Variants in ZNF454 observed in about 807,000 individuals in gnomAD.
The protein encoded by ZNF454 is zinc finger protein 454.
ZNF454 carries 30 observed loss-of-function variants against 48.2 expected under a neutral mutation model. That is an observed-to-expected ratio of 0.62 (90% CI 0.47 to 0.84). ZNF454 has a LOEUF of 0.84. Ranked by LOEUF, ZNF454 falls within the 40% of genes least tolerant of loss-of-function variation. The probability of loss-of-function intolerance (pLI) is 0.00; values close to 1 mark genes in which losing one functional copy is unlikely to be tolerated. For missense variants in ZNF454, 510 were observed against 623.1 expected (o/e 0.82, Z 1.93); for synonymous variants, 204 against 211.4 (o/e 0.97, Z 0.30).
chr5:178,987,606 G>A, the ZNF454 span: 1 of 374,076 alleles, frequency 2.7e-6, no homozygotes, highest in South Asian at 2.0e-5. Flanking sequence ...ACCGAGGGTA[G>A]ACAATTCATA....
rs527527202 is a variant in ZNF454, at chr5:178,964,181, C to T, written c.251-474C>T. On this transcript the variant is annotated intron_variant, in intron 4 of 4. Transcript: ENST00000519564. ...TGTCACCCAGGCTGGAATGCAGTGG[C>T]GCGATCTCGGCTCACTGCAAGCTCC... Among the ~76,000 whole-genome samples, 85 of 151,280 alleles carry T rather than the reference C, an allele frequency of 5.6e-4. 2 individuals are homozygous for T. The South Asian group carries it at 0.01, about 19-fold the overall frequency.
rs763987196 is a variant in ZNF454 at position 178,965,831 on chromosome 5, C to G, written c.1427C>G (p.Ala476Gly). The G allele has an allele frequency of 6.2e-7, 1 of 1,614,054 alleles. No homozygotes were observed. The highest frequency in any genetic ancestry group is 1.1e-5 in the South Asian group (1 of 91,078). ...TACAAATGTAAAATCTGTGAGAAAG[C>G]CTTTATCCGAAGCACTCACCTGACT... Reference protein sequence around the residue: ...KPYKCKICEKAFIRSTHLTQH... With the variant: ...KPYKCKICEKGFIRSTHLTQH... Residue 476 changes from alanine to glycine, a missense_variant, in exon 5 of 5, where the codon GCC (alanine) becomes GGC (glycine). Ala to Gly is a moderately conservative substitution (Grantham distance 60). Transcript: ENST00000519564. This position sits in a 1 kb window ranked among gnomAD's most constrained non-coding sequence, Gnocchi z 5.2.
the ZNF454 span, chr5:178,989,223 CTCCCCA>C: frequency 8.8e-7 from 1 of 1,134,338 alleles, no homozygotes; most frequent in Non-Finnish European, 1.3e-6. Flanking sequence ...CCTCACCACC[CTCCCCA>C]CCCTCCCCAC....
the ZNF454 span, among the ~76,000 whole-genome samples, chr5:178,972,173 A>G: frequency 2.6e-5 from 4 of 152,246 alleles, no homozygotes; most frequent in Non-Finnish European, 4.4e-5. Context: ...ATGTTGAGTG[A>G]TCTGCCCACC....
chr5:178,965,756 A>G lies in ZNF454; in HGVS notation c.1352A>G (p.Asp451Gly), dbSNP rs200106738. The change falls in exon 5 of 5, where the codon GAC becomes GGC. Residue 451 changes from aspartate to glycine, a missense_variant. By Grantham distance (94) the Asp-to-Gly change is moderately conservative. Transcript: ENST00000519564. This position sits in a 1 kb window ranked among gnomAD's most constrained non-coding sequence, Gnocchi z 5.2. ...TCNICEKAFS[D>G]HSALTQHKRI... ...AACATATGTGAAAAAGCCTTCAGTG[A>G]CCATTCAGCCCTTACCCAACATAAG... 1 of 1,614,180 alleles carries G rather than the reference A, an allele frequency of 6.2e-7. No individual in the cohort carries two copies. The highest frequency in any genetic ancestry group is 8.5e-7 in the Non-Finnish European group (1 of 1,180,014).
chr5:178,971,747 T>G, the ZNF454 span, among the ~76,000 whole-genome samples: 1 of 151,232 alleles, frequency 6.6e-6, no homozygotes, highest in East Asian at 2.0e-4. Flanking sequence ...TCCCAGCTAC[T>G]TGGGAGGCTG....
the ZNF454 span, among the ~76,000 whole-genome samples, chr5:178,987,838 C>A: frequency 6.6e-6 from 1 of 151,530 alleles, no homozygotes; most frequent in Non-Finnish European, 1.5e-5. Context: ...CAGCTCACTG[C>A]AACCTCTGCC....
At chr5:178,963,195 G>A (rs1397637161) in intron 4 of ZNF454, among the ~76,000 whole-genome samples, 1 of 151,728 alleles carries the variant, frequency 6.6e-6, no homozygotes, top group Non-Finnish European at 1.5e-5. Flanking sequence ...GACATCTGAT[G>A]CCTTCAGACA....
At chr5:178,983,327 A>C in the ZNF454 span, 11 of 942,204 alleles carry the variant, frequency 1.2e-5, no homozygotes, top group South Asian at 1.4e-4. Context: ...GCTCTGGCCT[A>C]TGGAGGGGAT....
chr5:178,951,815 TA>T (rs1417900643), intron 4 of ZNF454, among the ~76,000 whole-genome samples: 7 of 152,204 alleles, frequency 4.6e-5, no homozygotes, highest in Non-Finnish European at 8.8e-5. Flanking sequence ...GTACTGGATT[TA>T]AGGTTATATG....
chr5:178,977,356 G>A, the ZNF454 span: 2 of 453,748 alleles, frequency 4.4e-6, no homozygotes, highest in African/African-American at 2.0e-5. Context: ...CACCATATGA[G>A]GACACAGCAA....
chr5:178,981,725 G>A, the ZNF454 span: 199 of 1,613,912 alleles, frequency 1.2e-4, no homozygotes, highest in Middle Eastern at 1.6e-4. The surrounding 1 kb of genome is among the most constrained non-coding windows in gnomAD (Gnocchi z 5.1). Flanking sequence ...TTGAGGCTCC[G>A]CTTTCGCTTC....
chr5:178,948,414 C>G (rs1325565354), intron 4 of ZNF454, among the ~76,000 whole-genome samples: 1 of 152,188 alleles, frequency 6.6e-6, no homozygotes, highest in Non-Finnish European at 1.5e-5. Flanking sequence ...GTTCTACCAC[C>G]TTGGCATCAC....
rs1410314141 is a variant in ZNF454, at chr5:178,944,506, G to A, written c.33+1682G>A. Among the ~76,000 whole-genome samples the A allele has an allele frequency of 1.3e-5, 2 of 152,200 alleles. No individual in the cohort carries two copies. Among genetic ancestry groups the A allele is most frequent in the Non-Finnish European group, 2.9e-5 (2 of 68,034 alleles). On this transcript the variant is annotated intron_variant, in intron 2 of 4. Transcript: ENST00000519564. The surrounding 1 kb of genome is among the most constrained non-coding windows in gnomAD (Gnocchi z 4.1). Reference sequence around the variant, plus strand: ...CAAATACAAAGTGAACGATAAATGGGCCCTGACAAATTGGTTCATGGCTTC... The same window carrying A: ...CAAATACAAAGTGAACGATAAATGGACCCTGACAAATTGGTTCATGGCTTC...
the ZNF454 span, chr5:178,978,961 G>T: frequency 1.3e-5 from 2 of 152,170 alleles, no homozygotes; most frequent in African/African-American, 4.8e-5. Context: ...CCACAGAAAT[G>T]ATCAAAGAGG....
intron 4 of ZNF454, among the ~76,000 whole-genome samples, chr5:178,957,277 C>A (rs971094435): frequency 1.3e-5 from 2 of 152,174 alleles, no homozygotes; most frequent in South Asian, 2.1e-4. Flanking sequence ...GTGAATTGGT[C>A]TAGCGTTTGG....
the ZNF454 span, among the ~76,000 whole-genome samples, chr5:178,972,498 G>C: frequency 6.6e-6 from 1 of 152,094 alleles, no homozygotes; most frequent in Non-Finnish European, 1.5e-5. Context: ...GGTGGGGAGG[G>C]CTGGGGCCAC....
chr5:178,945,391 TTA>T lies in ZNF454; in HGVS notation c.34-966_34-965del, dbSNP rs1336421560. 8.4e-5 allele frequency among the ~76,000 whole-genome samples: 12 copies of T among 143,568 alleles called. No individual in the cohort carries two copies. The East Asian group carries it at 2.0e-3, about 24-fold the overall frequency. 94.2% of individuals were successfully genotyped at this position (143,568 alleles called of 152,430 possible). On this transcript the variant is annotated intron_variant, in intron 2 of 4. Transcript: ENST00000519564. The stretch of plus-strand genomic sequence containing the variant: ...TGTGTCTCTGTGTCTGTGTGTGAGT[TTA>T]TGTGTGTTTGTGAGGGGTACGGATA...
At chr5:178,967,059 C>A (rs959028210), downstream of ZNF454, among the ~76,000 whole-genome samples, 2 of 152,160 alleles carry the variant, frequency 1.3e-5, no homozygotes, top group Non-Finnish European at 1.5e-5. Context: ...GAAGGCACAA[C>A]TTGATCAAAA....
Sources: allele counts gnomAD v4.1 joint callset (sites outside exome capture counted in the v4.1 genomes callset), GRCh38; gene constraint gnomAD v4.1.1; non-coding constraint Gnocchi (gnomAD v3.1); transcripts MANE v1.5; gene names NCBI Gene and HGNC (gene_info 2026-07-23, HGNC 2026-07-21).